Variants in DIP2B observed in about 807,000 individuals in gnomAD.
DIP2B encodes DIP2 acetate--CoA ligase B (putative).
DIP2B carries 76 observed loss-of-function variants against 198.0 expected under a neutral mutation model. That is an observed-to-expected ratio of 0.38 (90% confidence interval 0.32 to 0.46). The LOEUF (loss-of-function observed/expected upper bound fraction) is 0.46. Ranked by LOEUF, DIP2B falls within the 20% of genes least tolerant of loss-of-function variation. The probability of loss-of-function intolerance (pLI) is 0.99; values close to 1 mark genes in which losing one functional copy is unlikely to be tolerated. For missense variants in DIP2B, 1,559 were observed against 1,978.4 expected (o/e 0.79, Z 4.02); for synonymous variants, 701 against 739.1 (o/e 0.95, Z 0.84).
intron 1 of DIP2B, among the ~76,000 whole-genome samples, chr12:50,510,204 A>T (rs902455762): frequency 2.0e-5 from 3 of 152,260 alleles, no homozygotes; most frequent in African/African-American, 7.2e-5. Flanking sequence ...GTCAAAAAAA[A>T]TCAGAATGAT....
At chr12:50,701,876 G>T (rs1024770081) in intron 19 of DIP2B, among the ~76,000 whole-genome samples, 1 of 152,066 alleles carries the variant, frequency 6.6e-6, no homozygotes, top group African/African-American at 2.4e-5. Flanking sequence ...TTAATTTGAG[G>T]ATTAACTGTA....
intron 1 of DIP2B, among the ~76,000 whole-genome samples, chr12:50,615,809 A>G (rs1435485939): frequency 6.6e-6 from 1 of 152,186 alleles, no homozygotes; most frequent in African/African-American, 2.4e-5. Flanking sequence ...ACTTGTCAAG[A>G]AGCAAGTAAA....
chr12:50,718,181 A>C (rs1277923214), intron 23 of DIP2B, among the ~76,000 whole-genome samples: 1 of 152,234 alleles, frequency 6.6e-6, no homozygotes, highest in Non-Finnish European at 1.5e-5. Flanking sequence ...TACAGGCGTG[A>C]GCCACCATTC....
At chr12:50,631,653 G>A (rs1027018385) in intron 2 of DIP2B, among the ~76,000 whole-genome samples, 26 of 151,910 alleles carry the variant, frequency 1.7e-4, no homozygotes, top group Middle Eastern at 3.2e-3. Context: ...GGTTGGTCTC[G>A]AACTCTTGGC....
intron 1 of DIP2B, among the ~76,000 whole-genome samples, chr12:50,588,127 A>C (rs1958786118): frequency 6.9e-6 from 1 of 144,542 alleles, no homozygotes; most frequent in African/African-American, 2.5e-5. Context: ...ATTTGTTGGT[A>C]CTTCTTTTCT....
At position 50,671,167 on chromosome 12, in the gene DIP2B, T is replaced by G. The variant is rs781297485; in HGVS notation, c.428-19T>G. 3 of 1,611,974 alleles carry G rather than the reference T, an allele frequency of 1.9e-6. No homozygotes were observed. In the East Asian group the frequency reaches 6.7e-5, roughly 36 times the overall value. ...TTCTAGGTAGGATCGAGAACTTCTT[T>G]TTTTCTAATTCCACACAGACACATC... On this transcript the variant is annotated intron_variant, in intron 4 of 37. Transcript: ENST00000301180.
Position 50,698,412 on chromosome 12 carries a change from T to A in DIP2B, c.2133T>A (p.Thr711=), listed in dbSNP as rs1282174942. The change falls in exon 18 of 38, where the codon ACT becomes ACA. Residue 711 remains threonine, a synonymous_variant. Coordinates refer to ENST00000301180, the MANE Select transcript of DIP2B (RefSeq NM_173602.3). ...GLSYGVIRVN[T]EDKNSALTVQ... The stretch of plus-strand genomic sequence containing the variant: ...GCTATGGGGTAATACGGGTCAATAC[T>A]GAAGATAAAAATTCAGCACTGACGG... 1 of 1,613,782 alleles carries A rather than the reference T, an allele frequency of 6.2e-7. No homozygotes were observed. The highest frequency in any genetic ancestry group is 8.5e-7 in the Non-Finnish European group (1 of 1,179,888).
chr12:50,673,179 C>T (rs1938884637), intron 5 of DIP2B, among the ~76,000 whole-genome samples: 1 of 152,098 alleles, frequency 6.6e-6, no homozygotes, highest in South Asian at 2.1e-4. Context: ...CCGGAATATA[C>T]TCATGTTAGT....
chr12:50,734,049 T>C (rs1940095212), intron 32 of DIP2B, 86 bp from the exon 33 acceptor site: 22 of 1,454,752 alleles, frequency 1.5e-5, no homozygotes, highest in Admixed American at 6.7e-5. Context: ...ATTTTTCATG[T>C]ATATGGCTAA....
intron 1 of DIP2B, among the ~76,000 whole-genome samples, chr12:50,565,664 CTGCTT>C (rs1171650377): frequency 6.6e-6 from 1 of 152,068 alleles, no homozygotes; most frequent in African/African-American, 2.4e-5. Flanking sequence ...TTTTATTACT[CTGCTT>C]TGTGTTGTGT....
chr12:50,722,634 C>T (rs1235602596), intron 26 of DIP2B, among the ~76,000 whole-genome samples: 1 of 152,170 alleles, frequency 6.6e-6, no homozygotes, highest in Non-Finnish European at 1.5e-5. Context: ...GCAGTCCCCA[C>T]CATTACATGC....
chr12:50,731,328 G>A, intron 30 of DIP2B, 41 bp from the exon 31 acceptor site: 8 of 1,598,200 alleles, frequency 5.0e-6, no homozygotes, highest in Admixed American at 1.7e-5. Context: ...CAGGTATCCA[G>A]GATGAATTGA....
At chr12:50,701,740 G>A (rs1382673353) in intron 19 of DIP2B, among the ~76,000 whole-genome samples, 3 of 151,870 alleles carry the variant, frequency 2.0e-5, no homozygotes, top group Admixed American at 6.6e-5. Flanking sequence ...ATGCTACCAG[G>A]GAGAAAAACT....
chr12:50,673,373 T>C (rs1019228268), intron 5 of DIP2B, among the ~76,000 whole-genome samples: 4 of 152,204 alleles, frequency 2.6e-5, no homozygotes. Context: ...GAGGAAAATG[T>C]ATGATTTACA....
At chr12:50,610,128 A>G (rs534452234) in intron 1 of DIP2B, among the ~76,000 whole-genome samples, 30 of 152,326 alleles carry the variant, frequency 2.0e-4, no homozygotes, top group African/African-American at 7.2e-4. Context: ...TTTTAAAATT[A>G]CTACTATCAC....
In DIP2B at chr12:50,561,429, A is replaced by AT. The variant is rs879471809; in HGVS notation, c.100+56201dup. 2.0e-4 allele frequency among the ~76,000 whole-genome samples: 30 copies of AT among 147,176 alleles called. 1 individual carries two copies. In the South Asian group the frequency reaches 2.1e-3, roughly 11 times the overall value. On this transcript the variant is annotated intron_variant, in intron 1 of 37. Transcript: ENST00000301180. Reference sequence around the variant, plus strand: ...TTAGGTGATGGCTTTCACCTAGTTAATTTTTTTTTTTTAAGTGAGAGCTAC... The same window carrying AT: ...TTAGGTGATGGCTTTCACCTAGTTAATTTTTTTTTTTTTAAGTGAGAGCTAC...
intron 2 of DIP2B, among the ~76,000 whole-genome samples, chr12:50,635,364 C>T (rs897938580): frequency 6.6e-6 from 1 of 152,096 alleles, no homozygotes; most frequent in Non-Finnish European, 1.5e-5. Flanking sequence ...AGATTCCTGC[C>T]TACTTATTTT....
chr12:50,714,311 A>T, intron 22 of DIP2B, 84 bp from the exon 23 acceptor site: 1 of 1,500,498 alleles, frequency 6.7e-7, no homozygotes. Flanking sequence ...GAAAAATTGT[A>T]GCGTAAAATA....
intron 1 of DIP2B, among the ~76,000 whole-genome samples, chr12:50,550,639 A>G (rs946762230): frequency 6.6e-6 from 1 of 152,176 alleles, no homozygotes; most frequent in African/African-American, 2.4e-5. Context: ...GTGTTGCTTC[A>G]GTGGGAAGGG....
Sources: allele counts gnomAD v4.1 joint callset (sites outside exome capture counted in the v4.1 genomes callset), GRCh38; gene constraint gnomAD v4.1.1; transcripts MANE v1.5; gene names NCBI Gene and HGNC (gene_info 2026-07-23, HGNC 2026-07-21).